The following TTC28 variants were observed in gnomAD, a reference collection of about 807,000 sequenced individuals.
TTC28 encodes tetratricopeptide repeat domain 28.
Under a neutral mutation model 198.0 loss-of-function variants are expected in TTC28, and 61 were observed. That is an observed-to-expected ratio of 0.31 (90% CI 0.25 to 0.38). The LOEUF (loss-of-function observed/expected upper bound fraction) is 0.38, where lower values mean the gene tolerates loss of function less well. Among genes scored for constraint, TTC28 ranks in the 10% least tolerant of loss-of-function variants. The pLI is 1.00. For synonymous variants in TTC28, 1,171 were observed against 1,297.8 expected (o/e 0.90, Z 2.10); for missense variants, 2,678 against 3,164.0 (o/e 0.85, Z 3.69).
intron 2 of TTC28, among the ~76,000 whole-genome samples, chr22:28,588,808 T>C (rs2050370617): frequency 6.6e-6 from 1 of 152,232 alleles, no homozygotes; most frequent in African/African-American, 2.4e-5. Context: ...ACTACTTTGC[T>C]GGTTATCCAC....
At chr22:28,194,042 G>A (rs966758437) in intron 5 of TTC28, among the ~76,000 whole-genome samples, 1 of 152,140 alleles carries the variant, frequency 6.6e-6, no homozygotes, top group African/African-American at 2.4e-5. Flanking sequence ...TGGAAATAAA[G>A]CACTCCTCAG....
At chr22:28,176,792 T>A (rs1923206305) in intron 5 of TTC28, among the ~76,000 whole-genome samples, 1 of 152,072 alleles carries the variant, frequency 6.6e-6, no homozygotes, top group South Asian at 2.1e-4. Context: ...ACAAAGGTAG[T>A]TACATGGAGA....
At chr22:28,290,261 G>A (rs919348643) in intron 5 of TTC28, among the ~76,000 whole-genome samples, 1 of 151,908 alleles carries the variant, frequency 6.6e-6, no homozygotes, top group African/African-American at 2.4e-5. Flanking sequence ...GATGCAAAAG[G>A]GCAAACAAGG....
intron 2 of TTC28, among the ~76,000 whole-genome samples, chr22:28,572,534 T>C (rs1232460507): frequency 6.6e-6 from 1 of 152,122 alleles, no homozygotes; most frequent in Non-Finnish European, 1.5e-5. Context: ...GATGGAAGTC[T>C]CAGAAGAACA....
Position 28,228,545 on chromosome 22 carries a change from C to T in TTC28, c.934-64946G>A, listed in dbSNP as rs541253938. 2.2e-3 allele frequency among the ~76,000 whole-genome samples: 337 copies of T among 152,030 alleles called. 1 individual carries two copies. Among genetic ancestry groups the T allele is most frequent in the Admixed American group, 3.5e-3 (53 of 15,274 alleles). Reference sequence around the variant, plus strand: ...CGAAAACCCGTCTCTACTAAAAATACAAAAATTAGCTGGGCGTGGTGGTGT... The same window carrying T: ...CGAAAACCCGTCTCTACTAAAAATATAAAAATTAGCTGGGCGTGGTGGTGT... On this transcript the variant is annotated intron_variant, in intron 5 of 22. Transcript: ENST00000397906.
chr22:28,211,120 C>G (rs1926913809), intron 5 of TTC28, among the ~76,000 whole-genome samples: 1 of 152,128 alleles, frequency 6.6e-6, no homozygotes, highest in Non-Finnish European at 1.5e-5. Flanking sequence ...CCTAAAAGAG[C>G]TCCTGAAGGA....
At chr22:28,606,574 G>A (rs191781089) in intron 2 of TTC28, among the ~76,000 whole-genome samples, 168 of 152,232 alleles carry the variant, frequency 1.1e-3, no homozygotes, top group African/African-American at 3.8e-3. Context: ...GTGAGCAACA[G>A]ACATGAGGGA....
chr22:28,372,618 T>G (rs1251155821), intron 2 of TTC28, among the ~76,000 whole-genome samples: 1 of 152,034 alleles, frequency 6.6e-6, no homozygotes, highest in Non-Finnish European at 1.5e-5. Context: ...TTCTACACAC[T>G]GGGTAACAAT....
At chr22:28,377,677 CA>C (rs1014451507) in intron 2 of TTC28, among the ~76,000 whole-genome samples, 2 of 152,126 alleles carry the variant, frequency 1.3e-5, no homozygotes, top group Non-Finnish European at 2.9e-5. Flanking sequence ...TCCTAACAAA[CA>C]TTAAAAGCAA....
At chr22:28,191,739 G>C (rs915750910) in intron 5 of TTC28, among the ~76,000 whole-genome samples, 1 of 152,220 alleles carries the variant, frequency 6.6e-6, no homozygotes, top group African/African-American at 2.4e-5. Context: ...GCGAGGCTGG[G>C]GGAGGGGTGC....
intron 2 of TTC28, among the ~76,000 whole-genome samples, chr22:28,569,194 A>G (rs911966353): frequency 9.2e-5 from 13 of 141,066 alleles, no homozygotes; most frequent in African/African-American, 3.4e-4. Context: ...AAATAAATAA[A>G]TAAAATTCAC....
At chr22:28,395,394 C>T (rs5752738) in intron 2 of TTC28, among the ~76,000 whole-genome samples, 2 of 152,024 alleles carry the variant, frequency 1.3e-5, no homozygotes, top group Admixed American at 1.3e-4. Context: ...ACAGCAATAA[C>T]TGGCCGAGGT....
intron 5 of TTC28, among the ~76,000 whole-genome samples, chr22:28,182,451 T>C (rs1386520150): frequency 6.6e-6 from 1 of 151,882 alleles, no homozygotes; most frequent in African/African-American, 2.4e-5. Context: ...GAGAGAGAGA[T>C]GGAAAACACA....
chr22:28,499,447 T>C (rs955464062), intron 2 of TTC28, among the ~76,000 whole-genome samples: 2 of 152,172 alleles, frequency 1.3e-5, no homozygotes, highest in African/African-American at 4.8e-5. Flanking sequence ...TCAGGGCAGG[T>C]AGACAAGTTG....
intron 2 of TTC28, among the ~76,000 whole-genome samples, chr22:28,494,458 C>A (rs528931380): frequency 3.9e-5 from 6 of 152,172 alleles, no homozygotes; most frequent in Non-Finnish European, 7.4e-5. Flanking sequence ...CTTAACTAAT[C>A]AGAAACTGCC....
chr22:28,585,524 A>C (rs2050301472), intron 2 of TTC28, among the ~76,000 whole-genome samples: 1 of 152,134 alleles, frequency 6.6e-6, no homozygotes, highest in South Asian at 2.1e-4. Context: ...AATGCAGATG[A>C]AGCTTCGCCC....
At chr22:28,071,251 T>C (rs1457153752) in intron 12 of TTC28, among the ~76,000 whole-genome samples, 1 of 152,006 alleles carries the variant, frequency 6.6e-6, no homozygotes, top group Non-Finnish European at 1.5e-5. Flanking sequence ...CAAATGACTA[T>C]AAATCATGCT....
intron 2 of TTC28, among the ~76,000 whole-genome samples, chr22:28,547,821 A>G (rs2049577608): frequency 6.6e-6 from 1 of 152,088 alleles, no homozygotes; most frequent in South Asian, 2.1e-4. Context: ...CTAGTTAAAA[A>G]AAAAAAAAGT....
At chr22:28,482,908 A>G (rs938459395) in intron 2 of TTC28, among the ~76,000 whole-genome samples, 1 of 152,212 alleles carries the variant, frequency 6.6e-6, no homozygotes. Flanking sequence ...TCAGAACTTC[A>G]TTCCTTTTTA....
Sources: allele counts gnomAD v4.1 joint callset (sites outside exome capture counted in the v4.1 genomes callset), GRCh38; gene constraint gnomAD v4.1.1; transcripts MANE v1.5; gene names NCBI Gene and HGNC (gene_info 2026-07-23, HGNC 2026-07-21).